CTBP2: variants seen among roughly 807,000 people sequenced by gnomAD.
CTBP2 encodes the protein C-terminal-binding protein 2.
A neutral mutation model predicts 80.3 loss-of-function variants in CTBP2; 30 were observed. That is an observed-to-expected ratio of 0.37 (90% CI 0.28 to 0.51). The LOEUF (loss-of-function observed/expected upper bound fraction) is 0.51, where lower values mean the gene tolerates loss of function less well. Ranked by LOEUF, CTBP2 falls within the 20% of genes least tolerant of loss-of-function variation. The probability of loss-of-function intolerance (pLI) is 0.93; values close to 1 mark genes in which losing one functional copy is unlikely to be tolerated. For synonymous variants in CTBP2, 594 were observed against 587.4 expected (o/e 1.01, Z -0.16); for missense variants, 1,212 against 1,375.3 (o/e 0.88, Z 1.88).
intron 1 of CTBP2, among the ~76,000 whole-genome samples, chr10:125,149,405 G>A (rs1248902724): frequency 6.6e-6 from 1 of 152,110 alleles, no homozygotes; most frequent in Non-Finnish European, 1.5e-5. Flanking sequence ...AACTGCAGGG[G>A]GCACTTAAAA....
intron 1 of CTBP2, among the ~76,000 whole-genome samples, chr10:125,144,449 T>C (rs1858387189): frequency 6.6e-6 from 1 of 152,224 alleles, no homozygotes; most frequent in Middle Eastern, 3.2e-3. Context: ...TAAGCCAATG[T>C]ATAACAAAGT....
chr10:124,985,606 T>C lies in CTBP2; in HGVS notation c.*3912A>G, dbSNP rs1167466195. On this transcript the variant is annotated 3_prime_UTR_variant, in exon 9 of 9. Coordinates refer to ENST00000309035, the MANE Select transcript of CTBP2 (RefSeq NM_022802.3). ...TAAGAATGTTTTAGAGTGAACTAAA[T>C]ACAGACATTGCTTACTTGTTTTGAA... 2 of 152,668 alleles carry C rather than the reference T, an allele frequency of 1.3e-5. No homozygotes were observed. Among genetic ancestry groups the C allele is most frequent in the Non-Finnish European group, 2.9e-5 (2 of 68,040 alleles). 9.5% of individuals were successfully genotyped at this position (152,668 alleles called of 1,614,324 possible). A position where few individuals can be genotyped will look rare whatever the true frequency, so the allele number is the denominator to read the frequency against.
At chr10:125,052,046 C>T (rs574440887) in intron 2 of CTBP2, among the ~76,000 whole-genome samples, 2 of 152,316 alleles carry the variant, frequency 1.3e-5, no homozygotes, top group Admixed American at 1.3e-4. Flanking sequence ...CTGTCCTGGC[C>T]TGTCTGTGGA....
At chr10:125,129,719 A>G (rs1278278926) in intron 1 of CTBP2, among the ~76,000 whole-genome samples, 4 of 152,222 alleles carry the variant, frequency 2.6e-5, no homozygotes, top group African/African-American at 4.8e-5. Context: ...AGAGCGATTC[A>G]CAGGAGGCCT....
At chr10:125,006,680 C>A (rs1955284009) in intron 1 of CTBP2, among the ~76,000 whole-genome samples, 1 of 152,174 alleles carries the variant, frequency 6.6e-6, no homozygotes, top group African/African-American at 2.4e-5. Context: ...GGCTTCTGAC[C>A]ATTTGAGCAA....
At chr10:125,120,588 C>T (rs1281181601) in intron 1 of CTBP2, among the ~76,000 whole-genome samples, 2 of 152,168 alleles carry the variant, frequency 1.3e-5, no homozygotes, top group East Asian at 1.9e-4. Flanking sequence ...GGTTTCGCCA[C>T]GTTGGCCAGG....
In CTBP2 at chr10:124,993,363, A is replaced by C; in HGVS notation, c.2532-34T>G. 2.5e-6 allele frequency: 4 copies of C among 1,594,798 alleles called. 1 individual carries two copies. Among genetic ancestry groups the C allele is most frequent in the South Asian group, 2.2e-5 (2 of 90,092 alleles). ...ATGTAGAAAAAACAGAGTAAGCGGG[A>C]AATGTCGCATACGCTCCCTGCCCTC... On this transcript the variant is annotated intron_variant, in intron 6 of 8. Coordinates refer to ENST00000309035, the MANE Select transcript of CTBP2 (RefSeq NM_022802.3).
chr10:125,025,956 TTGG>T, intron 1 of CTBP2: 1 of 1,258,652 alleles, frequency 7.9e-7, no homozygotes, highest in Non-Finnish European at 1.1e-6. Context: ...TCCTTCTTGT[TTGG>T]TGGTGTGTGT....
upstream of CTBP2, chr10:125,160,929 G>C (rs1336479412): frequency 6.6e-6 from 1 of 150,508 alleles, no homozygotes; most frequent in African/African-American, 2.4e-5. Context: ...TCTCCTCCGG[G>C]GAAGGAGAAG....
chr10:125,008,299 A>C (rs187488163), intron 1 of CTBP2, among the ~76,000 whole-genome samples: 4 of 152,210 alleles, frequency 2.6e-5, no homozygotes, highest in Admixed American at 2.0e-4. Flanking sequence ...GTTTCCTGAC[A>C]CCGTAGCAGT....
intron 2 of CTBP2, among the ~76,000 whole-genome samples, chr10:125,092,616 C>T (rs1848946929): frequency 6.6e-6 from 1 of 152,184 alleles, no homozygotes. Flanking sequence ...GGCATGGCGG[C>T]CTCATCCTAC....
At chr10:124,991,406 G>A (rs1183832397) in intron 8 of CTBP2, among the ~76,000 whole-genome samples, 1 of 152,182 alleles carries the variant, frequency 6.6e-6, no homozygotes, top group Non-Finnish European at 1.5e-5. Flanking sequence ...CATGGAAGAG[G>A]TGGGCCCCCA....
In CTBP2 at chr10:125,113,188, G is replaced by A. The variant is rs200169747; in HGVS notation, c.-205-2095C>T. On this transcript the variant is annotated intron_variant, in intron 1 of 10. Coordinates refer to the CTBP2 transcript ENST00000337195. Reference sequence around the variant, plus strand: ...AGAAGTGTTAGGAAGGGAGGGACAAGCATAGCTTTTCAGTAATCCCAAGCC... The same window carrying A: ...AGAAGTGTTAGGAAGGGAGGGACAAACATAGCTTTTCAGTAATCCCAAGCC... Among the ~76,000 whole-genome samples, 7 of 152,314 alleles carry A rather than the reference G, an allele frequency of 4.6e-5. No homozygotes were observed. The East Asian group carries it at 1.2e-3, about 25-fold the overall frequency.
At chr10:125,093,933 C>T (rs1363589075) in intron 2 of CTBP2, among the ~76,000 whole-genome samples, 1 of 152,316 alleles carries the variant, frequency 6.6e-6, no homozygotes, top group East Asian at 1.9e-4. Flanking sequence ...GTTGCTATAA[C>T]TCATTCAAGT....
chr10:125,137,749 T>G (rs1857181904), intron 1 of CTBP2, among the ~76,000 whole-genome samples: 1 of 152,250 alleles, frequency 6.6e-6, no homozygotes. Context: ...AATAACCTTC[T>G]GCCAGCCTCT....
At chr10:125,023,902 T>C (rs1158442301) in intron 1 of CTBP2, among the ~76,000 whole-genome samples, 2 of 152,150 alleles carry the variant, frequency 1.3e-5, no homozygotes, top group East Asian at 1.9e-4. Flanking sequence ...GAGAGTCAAC[T>C]TCCAGAAGGG....
At chr10:125,085,150 G>A (rs945576499) in intron 2 of CTBP2, among the ~76,000 whole-genome samples, 4 of 152,186 alleles carry the variant, frequency 2.6e-5, no homozygotes, top group Admixed American at 6.5e-5. Flanking sequence ...CAATACATCA[G>A]CAGGAGAAAT....
Position 125,056,173 on chromosome 10 carries a change from A to AAAT in CTBP2, c.-101-17021_-101-17019dup, listed in dbSNP as rs747765698. On this transcript the variant is annotated intron_variant, in intron 2 of 10. Transcript: ENST00000337195. ...CAGCGAGATTGTGTCTCAAAAATAA[A>AAAT]AATAATAATAATAATAATAATAGTA... Among the ~76,000 whole-genome samples the AAAT allele has an allele frequency of 4.6e-3, 687 of 149,374 alleles. 4 individuals carry two copies. Among genetic ancestry groups the AAAT allele is most frequent in the Non-Finnish European group, 6.7e-3 (455 of 67,508 alleles).
Position 125,140,875 on chromosome 10 carries a change from C to T in CTBP2, c.-206+19444G>A, listed in dbSNP as rs546725402. Among the ~76,000 whole-genome samples, 3 of 151,956 alleles carry T rather than the reference C, an allele frequency of 2.0e-5. No individual in the cohort carries two copies. The South Asian group carries it at 6.2e-4, about 32-fold the overall frequency. ...CATGACGTGGCTGGGCATGGTGGCT[C>T]ACACCTGCATACCCAGCACTTTGGG... is the stretch of plus-strand genomic sequence containing the variant. On this transcript the variant is annotated intron_variant, in intron 1 of 10. Coordinates refer to the CTBP2 transcript ENST00000337195.
Sources: gnomAD v4.1 joint callset for allele counts (sites outside exome capture counted in the v4.1 genomes callset) on GRCh38, gnomAD v4.1.1 for gene constraint, MANE v1.5 for transcripts, NCBI Gene and HGNC (gene_info 2026-07-23, HGNC 2026-07-21) for gene names.